MAMDC2: variants seen among roughly 807,000 people sequenced by gnomAD.
The protein encoded by MAMDC2 is MAM domain-containing protein 2.
MAMDC2 carries 57 observed loss-of-function variants against 89.8 expected under a neutral mutation model. That is an observed-to-expected ratio of 0.63 (90% CI 0.51 to 0.79). MAMDC2 has a LOEUF of 0.79. MAMDC2 is among the 30% of genes least tolerant of loss of function. The probability of loss-of-function intolerance (pLI) is 0.00; values close to 1 mark genes in which losing one functional copy is unlikely to be tolerated. For missense variants in MAMDC2, 800 were observed against 820.6 expected (o/e 0.97, Z 0.31); for synonymous variants, 313 against 293.4 (o/e 1.07, Z -0.68).
chr9:70,115,193 A>C (rs2029913884), intron 5 of MAMDC2, among the ~76,000 whole-genome samples: 1 of 152,156 alleles, frequency 6.6e-6, no homozygotes, highest in Non-Finnish European at 1.5e-5. Context: ...AGATTATTTC[A>C]ATAGATGGAG....
rs1470679533 is a variant in MAMDC2, at chr9:70,170,542, A to G, written c.1562A>G (p.Glu521Gly). 1.2e-6 allele frequency: 2 copies of G among 1,613,358 alleles called. No homozygotes were observed. Residue 521 changes from glutamate (E) to glycine (G), a missense_variant, in exon 11 of 14, where the codon GAG (glutamate) becomes GGG (glycine). Coordinates refer to ENST00000377182, the MANE Select transcript of MAMDC2 (RefSeq NM_153267.5). ...FEQDECTFTQ[E>G]KRNRSSWHRR... The stretch of plus-strand genomic sequence containing the variant: ...CAAGATGAATGTACATTTACTCAGG[A>G]GAAAAGAAACCGGAGCAGCTGGCAC...
At chr9:70,077,056 A>G (rs1827547862) in intron 2 of MAMDC2, among the ~76,000 whole-genome samples, 1 of 152,190 alleles carries the variant, frequency 6.6e-6, no homozygotes, top group Non-Finnish European at 1.5e-5. Flanking sequence ...AGTAGTTTAA[A>G]TAATAGACGA....
chr9:70,169,547 C>T (rs1011207498), intron 10 of MAMDC2: 1 of 152,182 alleles, frequency 6.6e-6, no homozygotes, highest in East Asian at 1.9e-4. Context: ...AGATAAAAAT[C>T]GTTCCACTCA....
intron 12 of MAMDC2, among the ~76,000 whole-genome samples, chr9:70,221,859 G>T (rs1211602918): frequency 6.6e-6 from 1 of 152,128 alleles, no homozygotes; most frequent in Non-Finnish European, 1.5e-5. Context: ...GGTCAAAGAA[G>T]TATTGTGATA....
chr9:70,191,773 C>T (rs1431941527), intron 11 of MAMDC2, among the ~76,000 whole-genome samples: 2 of 152,152 alleles, frequency 1.3e-5, no homozygotes, highest in Admixed American at 6.6e-5. Flanking sequence ...AGGGACTCTC[C>T]TCCTTAGTAT....
At chr9:70,126,774 G>A (rs1338518126) in intron 6 of MAMDC2, among the ~76,000 whole-genome samples, 1 of 151,704 alleles carries the variant, frequency 6.6e-6, no homozygotes, top group Non-Finnish European at 1.5e-5. Flanking sequence ...ACTCAGTCTT[G>A]AGCTACCCTT....
chr9:70,062,345 G>A (rs1827167569), intron 2 of MAMDC2, among the ~76,000 whole-genome samples: 1 of 151,926 alleles, frequency 6.6e-6, no homozygotes, highest in Admixed American at 6.6e-5. Flanking sequence ...GGCAATAGGA[G>A]CTCAGTAAAT....
At chr9:70,202,232 C>T (rs1587566185) in intron 11 of MAMDC2, among the ~76,000 whole-genome samples, 1 of 149,030 alleles carries the variant, frequency 6.7e-6, no homozygotes, top group South Asian at 2.2e-4. Flanking sequence ...TGAATGTGTC[C>T]CAGAGATTCT....
chr9:70,143,551 C>G lies in MAMDC2; in HGVS notation c.1139-3C>G. The stretch of plus-strand genomic sequence containing the variant: ...TTGCTGATATGCTTTATCTTCTTTG[C>G]AGGGTATTACCTGCTAGCCAACACA... On this transcript the variant is annotated splice_polypyrimidine_tract_variant and splice_region_variant and intron_variant, in intron 8 of 13. Coordinates refer to ENST00000377182, the MANE Select transcript of MAMDC2 (RefSeq NM_153267.5). 1 of 1,613,490 alleles carries G rather than the reference C, an allele frequency of 6.2e-7. No homozygotes were observed. The highest frequency in any genetic ancestry group is 1.3e-5 in the African/African-American group (1 of 75,006).
intron 11 of MAMDC2, among the ~76,000 whole-genome samples, chr9:70,192,241 T>C (rs1355093683): frequency 3.9e-5 from 6 of 152,176 alleles, no homozygotes; most frequent in Non-Finnish European, 8.8e-5. Context: ...ATGGTCTTTT[T>C]TTCTAATTTT....
At chr9:70,213,451 G>T (rs2033392915) in intron 11 of MAMDC2, among the ~76,000 whole-genome samples, 1 of 152,070 alleles carries the variant, frequency 6.6e-6, no homozygotes, top group South Asian at 2.1e-4. Context: ...AATGTATTAG[G>T]GTATTGTTTC....
At position 70,068,725 on chromosome 9, in the gene MAMDC2, C is replaced by CAAAAAAAAAAA. The variant is rs34946038; in HGVS notation, c.148+24037_148+24047dup. Among the ~76,000 whole-genome samples the CAAAAAAAAAAA allele has an allele frequency of 2.0e-5, 2 of 99,756 alleles. 1 individual carries two copies. The highest frequency in any genetic ancestry group is 3.8e-5 in the Non-Finnish European group (2 of 52,988). 65.4% of individuals were successfully genotyped at this position (99,756 alleles called of 152,430 possible). ...TGACAGAGTGAGACTCCCTCCATCA[C>CAAAAAAAAAAA]AAAAAAAAAAAAAAAAAAAGGCAAT... On this transcript the variant is annotated intron_variant, in intron 2 of 13. Coordinates refer to ENST00000377182, the MANE Select transcript of MAMDC2 (RefSeq NM_153267.5).
intron 2 of MAMDC2, among the ~76,000 whole-genome samples, chr9:70,049,219 G>T (rs1464620699): frequency 2.6e-5 from 4 of 152,036 alleles, no homozygotes. Context: ...AAGGGGTGGG[G>T]TGGGGGCATG....
At chr9:70,189,745 A>C (rs1293276462) in intron 11 of MAMDC2, among the ~76,000 whole-genome samples, 1 of 151,200 alleles carries the variant, frequency 6.6e-6, no homozygotes, top group Non-Finnish European at 1.5e-5. Flanking sequence ...GGTGTGTCTC[A>C]CAGGTCTCTG....
rs1310405767 is a variant in MAMDC2 at position 70,218,640 on chromosome 9, G to A, written c.1911+44G>A. 10 of 1,526,884 alleles carry A rather than the reference G, an allele frequency of 6.5e-6. No individual in the cohort carries two copies. In the Admixed American group the frequency reaches 1.7e-4, roughly 26 times the overall value. 94.6% of individuals were successfully genotyped at this position (1,526,884 alleles called of 1,614,324 possible). A position where few individuals can be genotyped will look rare whatever the true frequency, so the allele number is the denominator to read the frequency against. ...GAACTAAGCAATGGAAAACGTGTAG[G>A]AGCTTCTGATGTTCTTTCTTATTCT... On this transcript the variant is annotated intron_variant, in intron 12 of 13. Transcript: ENST00000377182.
At chr9:70,079,857 C>A (rs1827614840) in intron 2 of MAMDC2, among the ~76,000 whole-genome samples, 1 of 152,064 alleles carries the variant, frequency 6.6e-6, no homozygotes, top group African/African-American at 2.4e-5. Flanking sequence ...AACACACCTG[C>A]CCTTTATCTG....
At chr9:70,114,402 T>C (rs1309496802) in intron 5 of MAMDC2, among the ~76,000 whole-genome samples, 2 of 151,556 alleles carry the variant, frequency 1.3e-5, no homozygotes, top group Admixed American at 1.3e-4. Flanking sequence ...CAGGGGATTT[T>C]TTTGTGTGTG....
intron 2 of MAMDC2, chr9:70,088,824 A>C (rs1276957147): frequency 2.0e-5 from 3 of 152,078 alleles, no homozygotes; most frequent in African/African-American, 7.2e-5. Flanking sequence ...AAAGTGGTAC[A>C]TGAATGATAG....
chr9:70,138,811 T>C (rs764689457), intron 7 of MAMDC2, among the ~76,000 whole-genome samples: 5 of 152,124 alleles, frequency 3.3e-5, no homozygotes, highest in Non-Finnish European at 7.4e-5. Flanking sequence ...GCAGTACCCA[T>C]GACAGAACTG....
Sources: gnomAD v4.1 joint callset for allele counts (sites outside exome capture counted in the v4.1 genomes callset) on GRCh38, gnomAD v4.1.1 for gene constraint, MANE v1.5 for transcripts, NCBI Gene and HGNC (gene_info 2026-07-23, HGNC 2026-07-21) for gene names.